ADGRB3: variants seen among roughly 807,000 people sequenced by gnomAD.
ADGRB3 encodes brain-specific angiogenesis inhibitor 3.
ADGRB3 carries 37 observed loss-of-function variants against 193.4 expected under a neutral mutation model. The ratio of observed to expected loss-of-function variants is 0.19; its 90% confidence interval spans 0.15 to 0.25. ADGRB3 has a LOEUF of 0.25. Ranked by LOEUF, ADGRB3 falls within the 10% of genes least tolerant of loss-of-function variation. The pLI is 1.00. For missense variants in ADGRB3, 1,637 were observed against 1,852.9 expected, an observed-to-expected ratio of 0.88 and a Z score of 2.14; for synonymous variants, 690 against 644.2, an observed-to-expected ratio of 1.07 and a Z score of -1.08.
At chr6:68,924,143 C>T (rs1185773010) in intron 3 of ADGRB3, among the ~76,000 whole-genome samples, 1 of 152,014 alleles carries the variant, frequency 6.6e-6, no homozygotes, top group East Asian at 1.9e-4. Flanking sequence ...CAAACTATTA[C>T]TGCTGATTTA....
At chr6:69,210,753 G>A (rs959204509) in intron 17 of ADGRB3, among the ~76,000 whole-genome samples, 4 of 152,156 alleles carry the variant, frequency 2.6e-5, no homozygotes, top group East Asian at 1.9e-4. Flanking sequence ...TTCAACATGC[G>A]TTTTGGAGGG....
At chr6:69,088,500 G>T (rs1772613475) in intron 17 of ADGRB3, among the ~76,000 whole-genome samples, 1 of 152,056 alleles carries the variant, frequency 6.6e-6, no homozygotes, top group South Asian at 2.1e-4. Flanking sequence ...AGCCTCCCAA[G>T]TAGCTGGGAC....
chr6:69,351,275 A>G (rs946330103), intron 26 of ADGRB3, among the ~76,000 whole-genome samples: 6 of 150,638 alleles, frequency 4.0e-5, no homozygotes, highest in Non-Finnish European at 8.9e-5. Flanking sequence ...GTATTTTTTT[A>G]GTAGAGATGG....
At chr6:68,846,161 G>A (rs1768270954) in intron 3 of ADGRB3, among the ~76,000 whole-genome samples, 1 of 152,184 alleles carries the variant, frequency 6.6e-6, no homozygotes, top group African/African-American at 2.4e-5. Context: ...GAACTTGAAA[G>A]AGATGATTTA....
At chr6:68,707,827 A>G (rs1468604850) in intron 3 of ADGRB3, among the ~76,000 whole-genome samples, 2 of 152,138 alleles carry the variant, frequency 1.3e-5, no homozygotes, top group Non-Finnish European at 2.9e-5. Context: ...TCAGAGACTC[A>G]AGAGGGAAGG....
intron 24 of ADGRB3, among the ~76,000 whole-genome samples, chr6:69,336,884 G>T (rs1481163729): frequency 6.6e-6 from 1 of 152,058 alleles, no homozygotes; most frequent in Non-Finnish European, 1.5e-5. Flanking sequence ...CATGTCTCTA[G>T]GTAACTTATC....
chr6:69,172,977 A>C (rs314200), intron 17 of ADGRB3, among the ~76,000 whole-genome samples: 8,187 of 152,278 alleles, frequency 0.054, 584 homozygotes, highest in African/African-American at 0.15. Context: ...CAGGGCCTGG[A>C]TCAGTCAGGG....
At chr6:69,137,059 T>TC (rs1443572299) in intron 17 of ADGRB3, among the ~76,000 whole-genome samples, 7 of 51,112 alleles carry the variant, frequency 1.4e-4, no homozygotes, top group African/African-American at 2.8e-4. Flanking sequence ...TTTCTTTCTT[T>TC]TTTTTTTTTT....
intron 3 of ADGRB3, among the ~76,000 whole-genome samples, chr6:68,712,987 C>T (rs755099696): frequency 2.0e-5 from 3 of 151,908 alleles, no homozygotes; most frequent in Non-Finnish European, 2.9e-5. Context: ...GCCTCTTTGA[C>T]ATTCAAATAT....
chr6:69,341,488 A>G (rs987534301), intron 26 of ADGRB3, among the ~76,000 whole-genome samples: 7 of 152,204 alleles, frequency 4.6e-5, no homozygotes, highest in Admixed American at 1.3e-4. Flanking sequence ...ATGAAAACCA[A>G]TTAACAGTAA....
intron 20 of ADGRB3, among the ~76,000 whole-genome samples, chr6:69,318,020 T>C (rs1262968689): frequency 6.6e-6 from 1 of 151,494 alleles, no homozygotes; most frequent in African/African-American, 2.4e-5. Flanking sequence ...TTTTTGGATT[T>C]TCTAATAAGG....
intron 28 of ADGRB3, 30 bp from the exon 29 acceptor site, chr6:69,360,839 C>G: frequency 6.5e-7 from 1 of 1,537,972 alleles, no homozygotes; most frequent in Non-Finnish European, 8.7e-7. Flanking sequence ...CATTAACTCT[C>G]TTTCTTCAAC....
chr6:69,285,711 T>C (rs959870360), intron 20 of ADGRB3, among the ~76,000 whole-genome samples: 2 of 151,952 alleles, frequency 1.3e-5, no homozygotes, highest in African/African-American at 4.8e-5. Flanking sequence ...ACTATCATTG[T>C]GGCAGTCTCC....
intron 20 of ADGRB3, among the ~76,000 whole-genome samples, chr6:69,296,736 A>T (rs997169042): frequency 1.3e-5 from 2 of 152,142 alleles, no homozygotes; most frequent in Admixed American, 1.3e-4. Flanking sequence ...TCCTCATACC[A>T]TGTCTATGAG....
intron 3 of ADGRB3, among the ~76,000 whole-genome samples, chr6:68,644,419 G>A (rs1248427752): frequency 6.6e-6 from 1 of 151,934 alleles, no homozygotes; most frequent in Non-Finnish European, 1.5e-5. Flanking sequence ...AAAATGGTAA[G>A]AAAATTAGCC....
Position 68,645,782 on chromosome 6 carries a change from C to G in ADGRB3, c.757+6350C>G, listed in dbSNP as rs982660486. Among the ~76,000 whole-genome samples, 10 of 152,230 alleles carry G rather than the reference C, an allele frequency of 6.6e-5. 2 individuals are homozygous for G. Among genetic ancestry groups the G allele is most frequent in the Admixed American group, 2.6e-4 (4 of 15,294 alleles). Reference sequence around the variant, plus strand: ...CCGCTTCCAGAGTTCAAGCGATTCTCCTGCCTCAGACTCCTGAGTAGCTGG... The same window carrying G: ...CCGCTTCCAGAGTTCAAGCGATTCTGCTGCCTCAGACTCCTGAGTAGCTGG... On this transcript the variant is annotated intron_variant, in intron 3 of 31. Coordinates refer to ENST00000370598, the MANE Select transcript of ADGRB3 (RefSeq NM_001704.3).
intron 8 of ADGRB3, 42 bp downstream of exon 8, chr6:68,956,851 A>C: frequency 6.5e-7 from 1 of 1,531,650 alleles, no homozygotes; most frequent in Non-Finnish European, 8.7e-7. Flanking sequence ...ACATTTCATA[A>C]CGTGAAAAAA....
intron 13 of ADGRB3, among the ~76,000 whole-genome samples, chr6:69,039,770 C>G (rs1248581481): frequency 7.7e-6 from 1 of 129,726 alleles, no homozygotes; most frequent in East Asian, 2.1e-4. Context: ...GAGACGGAGT[C>G]TTGCTCTGTT....
chr6:69,206,045 G>GTATATAGA (rs1765531144), intron 17 of ADGRB3, among the ~76,000 whole-genome samples: 1 of 99,952 alleles, frequency 1.0e-5, no homozygotes, highest in Non-Finnish European at 1.9e-5. Flanking sequence ...TATAATAATG[G>GTATATAGA]TATATATATA....
Sources: gnomAD v4.1 joint callset for allele counts (sites outside exome capture counted in the v4.1 genomes callset) on GRCh38, gnomAD v4.1.1 for gene constraint, MANE v1.5 for transcripts, NCBI Gene and HGNC (gene_info 2026-07-23, HGNC 2026-07-21) for gene names.